Variants in NSMAF observed in about 807,000 individuals in gnomAD.
NSMAF encodes the protein neutral sphingomyelinase activation associated factor.
In NSMAF, 90 loss-of-function variants were observed where a neutral mutation model predicts 134.9. The ratio of observed to expected loss-of-function variants is 0.67; its 90% CI spans 0.56 to 0.79. The LOEUF (loss-of-function observed/expected upper bound fraction) is 0.79. NSMAF is among the 30% of genes least tolerant of loss of function. The probability of loss-of-function intolerance (pLI) is 0.00; values close to 1 mark genes in which losing one functional copy is unlikely to be tolerated. For synonymous variants in NSMAF, 358 were observed against 389.6 expected (o/e 0.92, Z 0.96); for missense variants, 1,010 against 1,119.0 (o/e 0.90, Z 1.39).
intron 23 of NSMAF, among the ~76,000 whole-genome samples, chr8:58,592,130 C>G (rs930600397): frequency 2.0e-5 from 3 of 152,128 alleles, no homozygotes; most frequent in African/African-American, 7.2e-5. Context: ...GCTTTTGATT[C>G]TCTTAGGCAA....
In NSMAF at chr8:58,602,081, T is replaced by TCC; in HGVS notation, c.1101_1102insGG (p.Lys368GlyfsTer9). Reference sequence around the variant, plus strand: ...ACCAGTAGTCTCTCCAGCCGTTCCTTATTTAGGGCCCCTACTGGCTTACTG... The same window carrying TCC: ...ACCAGTAGTCTCTCCAGCCGTTCCTTCCATTTAGGGCCCCTACTGGCTTACTG... On this transcript the variant is annotated frameshift_variant, in exon 14 of 31. Coordinates refer to ENST00000038176, the MANE Select transcript of NSMAF (RefSeq NM_003580.4). LOFTEE classifies it high-confidence loss of function. 6.2e-7 allele frequency: 1 copy of TCC among 1,613,674 alleles called. No homozygotes were observed. The highest frequency in any genetic ancestry group is 8.5e-7 in the Non-Finnish European group (1 of 1,179,614).
intron 2 of NSMAF, among the ~76,000 whole-genome samples, chr8:58,641,571 C>T (rs1807339428): frequency 6.6e-6 from 1 of 152,222 alleles, no homozygotes; most frequent in South Asian, 2.1e-4. Flanking sequence ...CACTTCATAG[C>T]ATTACAAAGA....
intron 10 of NSMAF, among the ~76,000 whole-genome samples, chr8:58,608,371 C>T (rs895066713): frequency 2.6e-5 from 4 of 152,118 alleles, no homozygotes; most frequent in African/African-American, 9.7e-5. Context: ...AATTGTCTTG[C>T]TTTTCTATAA....
rs773130669 is a variant in NSMAF, at chr8:58,659,618, C to T, written c.14G>A (p.Arg5Gln). Residue 5 changes from arginine to glutamine, a missense_variant, in exon 1 of 31, where the codon CGG becomes CAG. Arg to Gln is a conservative substitution (Grantham distance 43, BLOSUM62 1). Coordinates refer to ENST00000038176, the MANE Select transcript of NSMAF (RefSeq NM_003580.4). ...CAGCTGCTGCTCCTGCTGCTTCTTCCGGATAAACGCCATGGAGGGTAGGCG... is the reference window on the plus strand; with the variant it reads ...CAGCTGCTGCTCCTGCTGCTTCTTCTGGATAAACGCCATGGAGGGTAGGCG... MAFI[R>Q]KKQQEQQLQL... The T allele has an allele frequency of 2.0e-6, 3 of 1,481,036 alleles. No homozygotes were observed. Among genetic ancestry groups the T allele is most frequent in the Middle Eastern group, 1.9e-4 (1 of 5,264 alleles). The allele number at this position is 1,481,036 out of a possible 1,614,324, so 91.7% of individuals were successfully genotyped here.
intron 9 of NSMAF, among the ~76,000 whole-genome samples, chr8:58,622,917 A>T (rs1003970725): frequency 6.6e-6 from 1 of 152,182 alleles, no homozygotes. Flanking sequence ...AGGTAGGTGA[A>T]CTAAAAGCTG....
intron 12 of NSMAF, among the ~76,000 whole-genome samples, chr8:58,605,123 C>T (rs1005163345): frequency 4.6e-5 from 7 of 152,070 alleles, no homozygotes; most frequent in Non-Finnish European, 5.9e-5. Flanking sequence ...TTTAGCCTTG[C>T]AATGTAATAA....
rs111825363 is a variant in NSMAF, at chr8:58,607,992, T to C, written c.688-152A>G. The C allele has an allele frequency of 1.0e-3, 683 of 673,240 alleles. 5 individuals are homozygous for C. The African/African-American group carries it at 0.011, about 11-fold the overall frequency. 41.7% of individuals were successfully genotyped at this position (673,240 alleles called of 1,614,324 possible). On this transcript the variant is annotated intron_variant, in intron 10 of 30. Transcript: ENST00000038176. Reference sequence around the variant, plus strand: ...AATCTTGGAACAAGGTGATATCTGGTTTCCCATTCTGCTCTGCCATCTTTC... The same window carrying C: ...AATCTTGGAACAAGGTGATATCTGGCTTCCCATTCTGCTCTGCCATCTTTC...
intron 1 of NSMAF, among the ~76,000 whole-genome samples, chr8:58,656,057 C>T (rs534552328): frequency 7.2e-5 from 11 of 151,970 alleles, no homozygotes; most frequent in African/African-American, 2.4e-4. Flanking sequence ...CTCGCTCTGT[C>T]GCCCAGGCTG....
At position 58,613,889 on chromosome 8, in the gene NSMAF, C is replaced by CATCATGTT. The variant is rs372347182; in HGVS notation, c.558-4164_558-4157dup. The stretch of plus-strand genomic sequence containing the variant: ...TGCTCCAATGAGCATTTCCTTTGAC[C>CATCATGTT]ATCATGTTGGCACTCAAAAATTTTT... On this transcript the variant is annotated intron_variant, in intron 9 of 30. Coordinates refer to ENST00000038176, the MANE Select transcript of NSMAF (RefSeq NM_003580.4). Among the ~76,000 whole-genome samples the CATCATGTT allele has an allele frequency of 1.3e-3, 197 of 152,228 alleles. 2 individuals carry two copies. Among genetic ancestry groups the CATCATGTT allele is most frequent in the African/African-American group, 4.6e-3 (193 of 41,524 alleles).
At chr8:58,613,943 C>T (rs868722610) in intron 9 of NSMAF, among the ~76,000 whole-genome samples, 11 of 152,208 alleles carry the variant, frequency 7.2e-5, no homozygotes, top group South Asian at 2.1e-4. Context: ...TGGAGCATTT[C>T]GGACTTAAAA....
intron 1 of NSMAF, chr8:58,659,066 A>C: frequency 5.6e-5 from 40 of 719,476 alleles, no homozygotes; most frequent in East Asian, 1.7e-4. Flanking sequence ...AGGCGCGGCA[A>C]TGCGAGTGGG....
chr8:58,623,778 G>C lies in NSMAF; in HGVS notation c.387C>G (p.Gly129=), dbSNP rs1806848952. ...NVVAPYKIER[G]KMEYVFELDV... is the part of the protein sequence containing the mutation. ...CCAATTCAAAAACATATTCCATTTT[G>C]CCCTAACAAAAAGGGGAAGATATCA... The change falls in exon 7 of 31, where the codon GGC becomes GGG. Residue 129 remains glycine (G), a splice_region_variant and synonymous_variant. Coordinates refer to ENST00000038176, the MANE Select transcript of NSMAF (RefSeq NM_003580.4). The C allele has an allele frequency of 1.2e-6, 2 of 1,613,124 alleles. No individual in the cohort carries two copies. The highest frequency in any genetic ancestry group is 1.7e-6 in the Non-Finnish European group (2 of 1,179,442).
At chr8:58,594,928 G>A (rs941416084) in intron 22 of NSMAF, 18 of 154,510 alleles carry the variant, frequency 1.2e-4, no homozygotes, top group Admixed American at 5.1e-4. Context: ...GCTGTCTGTC[G>A]TCATGGAGCT....
intron 1 of NSMAF, among the ~76,000 whole-genome samples, chr8:58,654,406 C>G (rs562478746): frequency 1.8e-4 from 27 of 152,064 alleles, no homozygotes; most frequent in Non-Finnish European, 3.1e-4. Context: ...CAAAATCAGC[C>G]AGGCATGGTG....
At chr8:58,623,661 A>C (rs777911743) in intron 7 of NSMAF, 48 bp downstream of exon 7, 2 of 1,493,328 alleles carry the variant, frequency 1.3e-6, no homozygotes, top group Admixed American at 1.8e-5. Flanking sequence ...TTATAAAAAC[A>C]GTTTTTGCCT....
In NSMAF at chr8:58,583,972, G is replaced by A. The variant is rs1295544969; in HGVS notation, c.*134C>T. 2.7e-6 allele frequency: 2 copies of A among 730,936 alleles called. No individual in the cohort carries two copies. The highest frequency in any genetic ancestry group is 4.8e-6 in the Non-Finnish European group (2 of 420,592). 45.3% of individuals were successfully genotyped at this position (730,936 alleles called of 1,614,324 possible). On this transcript the variant is annotated 3_prime_UTR_variant, in exon 31 of 31. Coordinates refer to ENST00000038176, the MANE Select transcript of NSMAF (RefSeq NM_003580.4). ...CAATGAAGTCACCATGATTTAGAAA[G>A]TTTAAAACCACAAATTTTCCATGTG...
chr8:58,602,328 C>T (rs1806303571), intron 13 of NSMAF, among the ~76,000 whole-genome samples, 191 bp from the exon 14 acceptor site: 2 of 152,084 alleles, frequency 1.3e-5, no homozygotes, highest in Non-Finnish European at 2.9e-5. Flanking sequence ...TTAAGTTAGA[C>T]ACAACCACTT....
intron 16 of NSMAF, among the ~76,000 whole-genome samples, chr8:58,600,386 A>T (rs1005611754): frequency 1.3e-5 from 2 of 152,048 alleles, no homozygotes; most frequent in Non-Finnish European, 1.5e-5. Flanking sequence ...GTACTTTGGG[A>T]GGCCAAGGCG....
intron 20 of NSMAF, 117 bp from the exon 21 acceptor site, chr8:58,597,667 T>C (rs1806170853): frequency 9.5e-7 from 1 of 1,049,928 alleles, no homozygotes; most frequent in Admixed American, 2.1e-5. Flanking sequence ...TGACAGCAAC[T>C]ATGTACCAGG....
Sources: gnomAD v4.1 joint callset for allele counts (sites outside exome capture counted in the v4.1 genomes callset) on GRCh38, gnomAD v4.1.1 for gene constraint, MANE v1.5 for transcripts, NCBI Gene and HGNC (gene_info 2026-07-23, HGNC 2026-07-21) for gene names.